NAP1L1: variants seen among roughly 807,000 people sequenced by gnomAD.
NAP1L1 encodes nucleosome assembly protein 1 like 1, also known as nucleosome assembly protein 1-like 1.
A neutral mutation model predicts 58.9 loss-of-function variants in NAP1L1; 9 were observed. The ratio of observed to expected loss-of-function variants is 0.15; its 90% CI spans 0.09 to 0.27. NAP1L1 has a LOEUF of 0.27. NAP1L1 is among the 10% of genes least tolerant of loss of function. The probability of loss-of-function intolerance (pLI) is 1.00; values close to 1 mark genes in which losing one functional copy is unlikely to be tolerated. For synonymous variants in NAP1L1, 130 were observed against 138.3 expected, an observed-to-expected ratio of 0.94 and a Z score of 0.42; for missense variants, 302 against 458.8, an observed-to-expected ratio of 0.66 and a Z score of 3.12.
At chr12:76,056,001 A>G in intron 7 of NAP1L1, 32 bp downstream of exon 7, 1 of 1,607,262 alleles carries the variant, frequency 6.2e-7, no homozygotes, top group Non-Finnish European at 8.5e-7. Flanking sequence ...TTACCCTTCA[A>G]AGTAAACTGG....
At position 76,074,407 on chromosome 12, in the gene NAP1L1, A is replaced by G. The variant is rs142045003; in HGVS notation, c.-20-168T>C. 2.2e-3 allele frequency: 2,081 copies of G among 960,942 alleles called. 37 individuals are homozygous for G. In the African/African-American group the frequency reaches 0.034, roughly 16 times the overall value. 59.5% of individuals were successfully genotyped at this position (960,942 alleles called of 1,614,324 possible). A position where few individuals can be genotyped will look rare whatever the true frequency, so the allele number is the denominator to read the frequency against. ...AAGAAAAAACTCATGGAACATGCAA[A>G]TTCTTCCTTACTAGTACCAAAAATA... On this transcript the variant is annotated intron_variant, in intron 1 of 14. Coordinates refer to ENST00000618691, the MANE Select transcript of NAP1L1 (RefSeq NM_004537.7).
rs553457057 is a variant in NAP1L1 at position 76,046,750 on chromosome 12, C to T, written c.*1679G>A. 2.0e-5 allele frequency: 3 copies of T among 152,360 alleles called. No homozygotes were observed. Among genetic ancestry groups the T allele is most frequent in the Non-Finnish European group, 4.4e-5 (3 of 67,894 alleles). 9.4% of individuals were successfully genotyped at this position (152,360 alleles called of 1,614,324 possible). A position where few individuals can be genotyped will look rare whatever the true frequency, so the allele number is the denominator to read the frequency against. ...ATCTAGACCTTCCTCTAATGACAAT[C>T]CAATAATCCACCCTCACTGTCAAAA... On this transcript the variant is annotated 3_prime_UTR_variant, in exon 15 of 15. Coordinates refer to ENST00000618691, the MANE Select transcript of NAP1L1 (RefSeq NM_004537.7).
At chr12:76,052,345 T>C (rs1948881905) in intron 11 of NAP1L1, among the ~76,000 whole-genome samples, 1 of 152,166 alleles carries the variant, frequency 6.6e-6, no homozygotes, top group Non-Finnish European at 1.5e-5. Flanking sequence ...ATCTTAATAC[T>C]TAAAGTAGTT....
In NAP1L1 at chr12:76,042,740, G is replaced by C. The variant is rs1261558004; in HGVS notation, c.*5689C>G. ...AAAGGCCCTAGAAATACCCTGTAAA[G>C]AGCATATTCAGCAACTGGACTTAAG... is the stretch of plus-strand genomic sequence containing the variant. On this transcript the variant is annotated 3_prime_UTR_variant, in exon 15 of 15. Coordinates refer to ENST00000618691, the MANE Select transcript of NAP1L1 (RefSeq NM_004537.7). 6.6e-6 allele frequency: 1 copy of C among 152,136 alleles called. No homozygotes were observed. Among genetic ancestry groups the C allele is most frequent in the African/African-American group, 2.4e-5 (1 of 41,438 alleles). 9.4% of individuals were successfully genotyped at this position (152,136 alleles called of 1,614,324 possible). A position where few individuals can be genotyped will look rare whatever the true frequency, so the allele number is the denominator to read the frequency against.
chr12:76,062,812 G>A (rs551198600), intron 4 of NAP1L1, among the ~76,000 whole-genome samples: 20 of 152,188 alleles, frequency 1.3e-4, no homozygotes, highest in Non-Finnish European at 2.8e-4. Context: ...ACATTTCTCA[G>A]CATTAAAGCA....
chr12:76,059,698 G>T, intron 6 of NAP1L1, 100 bp downstream of exon 6: 1 of 782,674 alleles, frequency 1.3e-6, no homozygotes, highest in Admixed American at 2.9e-5. Context: ...AAATACAACT[G>T]GTTATATAAT....
intron 4 of NAP1L1, among the ~76,000 whole-genome samples, chr12:76,064,206 A>T (rs1949553097): frequency 6.6e-6 from 1 of 152,186 alleles, no homozygotes; most frequent in South Asian, 2.1e-4. Context: ...CCCAAAAAAC[A>T]TTATAAAACA....
Position 76,078,628 on chromosome 12 carries a change from A to T in NAP1L1, c.-20-4389T>A, listed in dbSNP as rs934269202. ...GTCATCTATTAAAGGTGATATAACA[A>T]AATTTGGAAAACTAGAACTTCTAGA... On this transcript the variant is annotated intron_variant, in intron 1 of 14. Coordinates refer to ENST00000618691, the MANE Select transcript of NAP1L1 (RefSeq NM_004537.7). 5.3e-5 allele frequency among the ~76,000 whole-genome samples: 8 copies of T among 152,336 alleles called. No homozygotes were observed. In the South Asian group the frequency reaches 1.7e-3, roughly 32 times the overall value.
intron 4 of NAP1L1, among the ~76,000 whole-genome samples, chr12:76,063,235 G>A (rs1949500440): frequency 6.6e-6 from 1 of 152,086 alleles, no homozygotes; most frequent in South Asian, 2.1e-4. Context: ...GAGGGCCAGA[G>A]AAAGCACATT....
rs3082540 is a variant in NAP1L1 at position 76,058,194 on chromosome 12, C to CATATAT, written c.429+1598_429+1603dup. 412 of 370,988 alleles carry CATATAT rather than the reference C, an allele frequency of 1.1e-3. 4 individuals are homozygous for CATATAT. The highest frequency in any genetic ancestry group is 5.8e-3 in the African/African-American group (218 of 37,472). The allele number at this position is 370,988 out of a possible 1,614,324, so 23.0% of individuals were successfully genotyped here. On this transcript the variant is annotated intron_variant, in intron 6 of 14. Transcript: ENST00000618691. ...ATATGGCCAAAGGGAGAGAGGCCTACATATATATATATATATATATATATA... is the reference window on the plus strand; with the variant it reads ...ATATGGCCAAAGGGAGAGAGGCCTACATATATATATATATATATATATATATATATA...
chr12:76,055,753 A>C (rs890515292), intron 7 of NAP1L1, among the ~76,000 whole-genome samples: 1 of 152,244 alleles, frequency 6.6e-6, no homozygotes, highest in African/African-American at 2.4e-5. Context: ...ATACTTCCAT[A>C]CTAAGTATGT....
At chr12:76,052,465 A>T (rs751136901) in intron 11 of NAP1L1, among the ~76,000 whole-genome samples, 1 of 152,256 alleles carries the variant, frequency 6.6e-6, no homozygotes, top group Non-Finnish European at 1.5e-5. Context: ...CTTAGCCAAG[A>T]GTATTCCAAT....
At position 76,038,283 on chromosome 12, in the gene NAP1L1, G is replaced by A. The variant is rs1948517782; in HGVS notation, c.*10146C>T. ...TAAGTATGCTTCTACTCTGAAACCC[G>A]GTAAATGCAACCCGTTGTTTGCAAC... On this transcript the variant is annotated 3_prime_UTR_variant, in exon 15 of 15. Transcript: ENST00000618691. 6.6e-6 allele frequency: 1 copy of A among 152,164 alleles called. No individual in the cohort carries two copies. The highest frequency in any genetic ancestry group is 2.1e-4 in the South Asian group (1 of 4,826). 9.4% of individuals were successfully genotyped at this position (152,164 alleles called of 1,614,324 possible). A position where few individuals can be genotyped will look rare whatever the true frequency, so the allele number is the denominator to read the frequency against.
At chr12:76,049,469 C>T in intron 13 of NAP1L1, 1 of 1,535,648 alleles carries the variant, frequency 6.5e-7, no homozygotes, top group Non-Finnish European at 8.7e-7. Flanking sequence ...ATAGTTACTG[C>T]AGCCAACGTT....
At chr12:76,079,965 G>A (rs559221571) in intron 1 of NAP1L1, among the ~76,000 whole-genome samples, 1 of 152,294 alleles carries the variant, frequency 6.6e-6, no homozygotes, top group South Asian at 2.1e-4. Context: ...TTGATTACAG[G>A]TGTGAGCCAC....
intron 13 of NAP1L1, 65 bp from the exon 14 acceptor site, chr12:76,049,315 A>T (rs1051447660): frequency 1.9e-6 from 3 of 1,610,260 alleles, no homozygotes; most frequent in Non-Finnish European, 2.5e-6. Flanking sequence ...CTCATAATGT[A>T]GGGAAAATTT....
rs1948599586 is a variant in NAP1L1, at chr12:76,045,915, A to T, written c.*2514T>A. On this transcript the variant is annotated 3_prime_UTR_variant, in exon 15 of 15. Coordinates refer to ENST00000618691, the MANE Select transcript of NAP1L1 (RefSeq NM_004537.7). ...GAAACTACAATCAGAGTGTAAAGAC[A>T]AATCTCAAAAATGTTTGTAGATAAC... is the stretch of plus-strand genomic sequence containing the variant. 1 of 152,094 alleles carries T rather than the reference A, an allele frequency of 6.6e-6. No homozygotes were observed. The highest frequency in any genetic ancestry group is 6.5e-5 in the Admixed American group (1 of 15,270). 9.4% of individuals were successfully genotyped at this position (152,094 alleles called of 1,614,324 possible).
chr12:76,077,059 T>A (rs1950208251), intron 1 of NAP1L1, among the ~76,000 whole-genome samples: 1 of 152,240 alleles, frequency 6.6e-6, no homozygotes, highest in South Asian at 2.1e-4. Context: ...CCAGCAATTG[T>A]CAAAAACAGA....
intron 12 of NAP1L1, 85 bp downstream of exon 12, chr12:76,050,446 T>G: frequency 6.8e-7 from 1 of 1,469,570 alleles, no homozygotes; most frequent in African/African-American, 1.4e-5. Flanking sequence ...ATGTCCTGCT[T>G]CTTAAAAACT....
Sources: allele counts gnomAD v4.1 joint callset (sites outside exome capture counted in the v4.1 genomes callset), GRCh38; gene constraint gnomAD v4.1.1; transcripts MANE v1.5; gene names NCBI Gene and HGNC (gene_info 2026-07-23, HGNC 2026-07-21).